PLCL1: variants seen among roughly 807,000 people sequenced by gnomAD.
The protein encoded by PLCL1 is phospholipase C like 1 (inactive).
PLCL1 carries 41 observed loss-of-function variants against 84.4 expected under a neutral mutation model. That is an observed-to-expected ratio of 0.49 (90% CI 0.38 to 0.63). The LOEUF is 0.63. Among genes scored for constraint, PLCL1 ranks in the 30% least tolerant of loss-of-function variants. The pLI, the probability that PLCL1 is intolerant of heterozygous loss-of-function variation, is 0.00. For missense variants in PLCL1, 1,206 were observed against 1,367.8 expected, an observed-to-expected ratio of 0.88 and a Z score of 1.87; for synonymous variants, 490 against 488.3, an observed-to-expected ratio of 1.00 and a Z score of -0.05.
chr2:197,889,593 T>G lies in PLCL1; in HGVS notation c.240+84254T>G, dbSNP rs558634548. 1.8e-4 allele frequency among the ~76,000 whole-genome samples: 28 copies of G among 152,298 alleles called. No homozygotes were observed. The South Asian group carries it at 5.6e-3, about 30-fold the overall frequency. ...CCAAGAAGCAAATATGTTCAAGTTT[T>G]TAGGCTACACCAACACACATTTTTT... is the stretch of plus-strand genomic sequence containing the variant. On this transcript the variant is annotated intron_variant, in intron 1 of 5. Coordinates refer to ENST00000428675, the MANE Select transcript of PLCL1 (RefSeq NM_006226.4).
rs1247967160 is a variant in PLCL1, at chr2:198,141,495, A to T, written c.3106-5285A>T. Among the ~76,000 whole-genome samples, 3 of 151,870 alleles carry T rather than the reference A, an allele frequency of 2.0e-5. No homozygotes were observed. In the East Asian group the frequency reaches 5.8e-4, roughly 29 times the overall value. On this transcript the variant is annotated intron_variant, in intron 5 of 5. Coordinates refer to ENST00000428675, the MANE Select transcript of PLCL1 (RefSeq NM_006226.4). ...GTAACATCAAAAAAAAAAAAAAAAA[A>T]GTCTAACATGACATCAAAACATTTT...
chr2:197,852,717 T>G (rs892154067), intron 1 of PLCL1, among the ~76,000 whole-genome samples: 2 of 152,176 alleles, frequency 1.3e-5, no homozygotes, highest in African/African-American at 4.8e-5. Context: ...AGGTCCCTTC[T>G]TTAAACCTCT....
intron 1 of PLCL1, among the ~76,000 whole-genome samples, chr2:198,033,091 C>CT (rs890504396): frequency 2.6e-5 from 4 of 152,110 alleles, no homozygotes; most frequent in Admixed American, 2.6e-4. Context: ...TATTGTAGAA[C>CT]AGGTAAAATG....
rs1000418409 is a variant in PLCL1 at position 197,958,313 on chromosome 2, T to C, written c.241-125445T>C. ...CTGGTCCACATTAGAAGAAGAATTGTCTTGGACCACACATAAAATACACTA... is the reference window on the plus strand; with the variant it reads ...CTGGTCCACATTAGAAGAAGAATTGCCTTGGACCACACATAAAATACACTA... On this transcript the variant is annotated intron_variant, in intron 1 of 5. Coordinates refer to ENST00000428675, the MANE Select transcript of PLCL1 (RefSeq NM_006226.4). Among the ~76,000 whole-genome samples, 25 of 151,892 alleles carry C rather than the reference T, an allele frequency of 1.6e-4. 1 individual carries two copies. Among genetic ancestry groups the C allele is most frequent in the African/African-American group, 4.8e-4 (20 of 41,372 alleles).
At chr2:197,901,698 G>A (rs1280878602) in intron 1 of PLCL1, among the ~76,000 whole-genome samples, 1 of 152,178 alleles carries the variant, frequency 6.6e-6, no homozygotes, top group Non-Finnish European at 1.5e-5. Context: ...ACATCAAGGA[G>A]TTTCTTTCAA....
At position 198,149,290 on chromosome 2, in the gene PLCL1, A is replaced by G. The variant is rs1322388236; in HGVS notation, c.*2328A>G. 2.6e-5 allele frequency: 4 copies of G among 152,262 alleles called. No homozygotes were observed. Among genetic ancestry groups the G allele is most frequent in the Non-Finnish European group, 5.9e-5 (4 of 68,018 alleles). The allele number at this position is 152,262 out of a possible 1,614,324, so 9.4% of individuals were successfully genotyped here. ...TAGAAAAAGCCCCCTTCTCTCTTCT[A>G]TCTACTTAGATTTGGTGATGCTAGG... On this transcript the variant is annotated 3_prime_UTR_variant, in exon 6 of 6. Coordinates refer to ENST00000428675, the MANE Select transcript of PLCL1 (RefSeq NM_006226.4).
intron 5 of PLCL1, among the ~76,000 whole-genome samples, chr2:198,104,834 G>A (rs1298537037): frequency 1.3e-5 from 2 of 151,966 alleles, no homozygotes; most frequent in Non-Finnish European, 2.9e-5. Context: ...GTCTTCTTTT[G>A]AAAAGTGTCT....
At chr2:198,052,361 T>A (rs1691955849) in intron 1 of PLCL1, among the ~76,000 whole-genome samples, 2 of 152,244 alleles carry the variant, frequency 1.3e-5, no homozygotes, top group South Asian at 4.1e-4. Flanking sequence ...CAAATCTCAC[T>A]ATTTTTTAGA....
intron 5 of PLCL1, among the ~76,000 whole-genome samples, chr2:198,134,639 A>G (rs1694210961): frequency 6.6e-6 from 1 of 152,182 alleles, no homozygotes; most frequent in Non-Finnish European, 1.5e-5. Flanking sequence ...TAAAAGCATT[A>G]TGATTTAGCA....
At chr2:197,990,812 A>G (rs995489882) in intron 1 of PLCL1, among the ~76,000 whole-genome samples, 1 of 152,072 alleles carries the variant, frequency 6.6e-6, no homozygotes, top group African/African-American at 2.4e-5. Context: ...TTTTTGGAAA[A>G]CTCTTTGATG....
chr2:198,139,638 A>C (rs1694335894), intron 5 of PLCL1, among the ~76,000 whole-genome samples: 1 of 152,144 alleles, frequency 6.6e-6, no homozygotes, highest in Non-Finnish European at 1.5e-5. Flanking sequence ...TTATCTATGA[A>C]TTTAAGTTTA....
chr2:197,854,259 T>C (rs952830511), intron 1 of PLCL1, among the ~76,000 whole-genome samples: 1 of 152,156 alleles, frequency 6.6e-6, no homozygotes, highest in African/African-American at 2.4e-5. Context: ...TGACCAGCAA[T>C]AGTATGAGGT....
chr2:197,918,218 TC>T (rs1193971168), intron 1 of PLCL1, among the ~76,000 whole-genome samples: 3 of 152,000 alleles, frequency 2.0e-5, no homozygotes, highest in Non-Finnish European at 4.4e-5. Context: ...ATCAGATAAA[TC>T]CCAGTTCAGG....
intron 1 of PLCL1, among the ~76,000 whole-genome samples, chr2:198,005,058 A>G (rs1574239991): frequency 2.0e-5 from 3 of 152,324 alleles, no homozygotes; most frequent in South Asian, 4.1e-4. Flanking sequence ...TGAAAATAAA[A>G]TATTCAGACA....
At chr2:198,050,939 C>T (rs557797873) in intron 1 of PLCL1, among the ~76,000 whole-genome samples, 35 of 152,200 alleles carry the variant, frequency 2.3e-4, no homozygotes, top group African/African-American at 7.0e-4. Context: ...ATTGGGTTTC[C>T]GCAAATGGTC....
intron 5 of PLCL1, among the ~76,000 whole-genome samples, chr2:198,117,970 G>A (rs1693784245): frequency 2.0e-5 from 3 of 151,832 alleles, no homozygotes; most frequent in Non-Finnish European, 1.5e-5. Flanking sequence ...TGCATAGTGT[G>A]TGCTTGTATA....
chr2:197,983,226 T>C (rs1690154780), intron 1 of PLCL1, among the ~76,000 whole-genome samples: 1 of 43,554 alleles, frequency 2.3e-5, no homozygotes, highest in Non-Finnish European at 4.6e-5. Context: ...TTTTTTTTTT[T>C]TTTTTTTTTT....
chr2:198,045,372 A>G (rs1691763098), intron 1 of PLCL1, among the ~76,000 whole-genome samples: 13 of 152,128 alleles, frequency 8.5e-5, no homozygotes, highest in Admixed American at 8.5e-4. Flanking sequence ...TTGTACTTTT[A>G]TGAGGGTTAT....
At chr2:197,980,757 T>TCC (rs1690088799) in intron 1 of PLCL1, among the ~76,000 whole-genome samples, 3 of 152,172 alleles carry the variant, frequency 2.0e-5, no homozygotes, top group Non-Finnish European at 4.4e-5. Flanking sequence ...TAGCTAATAC[T>TCC]ATGGAGTTCT....
Sources: allele counts gnomAD v4.1 joint callset (sites outside exome capture counted in the v4.1 genomes callset), GRCh38; gene constraint gnomAD v4.1.1; transcripts MANE v1.5; gene names NCBI Gene and HGNC (gene_info 2026-07-23, HGNC 2026-07-21).